NAALADL2: variants seen among roughly 807,000 people sequenced by gnomAD.
NAALADL2 encodes N-acetylated alpha-linked acidic dipeptidase like 2, also known as inactive N-acetylated-alpha-linked acidic dipeptidase-like protein 2.
NAALADL2 carries 76 observed loss-of-function variants against 87.2 expected under a neutral mutation model. The observed-to-expected ratio is 0.87, with a 90% confidence interval of 0.72 to 1.05. The LOEUF (loss-of-function observed/expected upper bound fraction) is 1.05. Among genes scored for constraint, NAALADL2 ranks in the 50% least tolerant of loss-of-function variants. The probability of loss-of-function intolerance (pLI) is 0.00; values close to 1 mark genes in which losing one functional copy is unlikely to be tolerated. For synonymous variants in NAALADL2, 354 were observed against 331.0 expected (o/e 1.07, Z -0.75); for missense variants, 1,089 against 945.8 (o/e 1.15, Z -1.99).
intron 1 of NAALADL2, among the ~76,000 whole-genome samples, chr3:174,979,531 T>TGCTGGCATCGTGATCCACCC (rs1744838966): frequency 6.6e-6 from 1 of 151,984 alleles, no homozygotes; most frequent in South Asian, 2.1e-4. Context: ...GGTCTCCATC[T>TGCTGGCATCGTGATCCACCC]GCTGGCCTCG....
At chr3:174,734,728 T>A (rs1284092499) in intron 2 of NAALADL2, among the ~76,000 whole-genome samples, 1 of 152,196 alleles carries the variant, frequency 6.6e-6, no homozygotes, top group Non-Finnish European at 1.5e-5. Flanking sequence ...AAAGAAGATT[T>A]AGATAGCACT....
At chr3:174,785,323 A>G (rs368668339) in intron 3 of NAALADL2, among the ~76,000 whole-genome samples, 3 of 152,308 alleles carry the variant, frequency 2.0e-5, no homozygotes, top group East Asian at 3.9e-4. Flanking sequence ...TCCCACTTAT[A>G]AATGAGAGCA....
At chr3:174,987,430 G>A (rs1224925937) in intron 1 of NAALADL2, among the ~76,000 whole-genome samples, 8 of 147,430 alleles carry the variant, frequency 5.4e-5, no homozygotes, top group East Asian at 2.0e-4. Flanking sequence ...TTAGCCGGGC[G>A]TAGTGGCGGG....
chr3:175,407,784 A>G (rs1170740480), intron 5 of NAALADL2, among the ~76,000 whole-genome samples: 2 of 152,178 alleles, frequency 1.3e-5, no homozygotes, highest in Non-Finnish European at 2.9e-5. Context: ...ATTTTCTGCC[A>G]ATAAGCTATA....
chr3:175,592,639 A>T (rs1455820144), intron 10 of NAALADL2, among the ~76,000 whole-genome samples: 1 of 151,272 alleles, frequency 6.6e-6, no homozygotes, highest in African/African-American at 2.4e-5. Context: ...TATAGCAAGA[A>T]CAAAAAATCA....
intron 2 of NAALADL2, among the ~76,000 whole-genome samples, chr3:174,681,052 A>G (rs1401420589): frequency 6.6e-6 from 1 of 152,128 alleles, no homozygotes; most frequent in African/African-American, 2.4e-5. Flanking sequence ...ACTAATTGCA[A>G]GACTTTGCAT....
chr3:175,684,035 T>C (rs774360862), intron 11 of NAALADL2, among the ~76,000 whole-genome samples: 111 of 152,034 alleles, frequency 7.3e-4, no homozygotes, highest in Non-Finnish European at 1.3e-3. Flanking sequence ...CATCATCTTA[T>C]AGTAGAAGCA....
chr3:174,860,802 G>A (rs2109534138), intron 1 of NAALADL2, among the ~76,000 whole-genome samples: 1 of 152,020 alleles, frequency 6.6e-6, no homozygotes, highest in African/African-American at 2.4e-5. Context: ...CCCAGATTGT[G>A]TATACATTTT....
At chr3:175,137,788 T>C (rs1194401259) in intron 2 of NAALADL2, among the ~76,000 whole-genome samples, 1 of 151,708 alleles carries the variant, frequency 6.6e-6, no homozygotes, top group Non-Finnish European at 1.5e-5. Flanking sequence ...TTGTTTTGTT[T>C]TGTTTTTGTA....
chr3:174,463,599 CTT>C (rs57673935), intron 1 of NAALADL2, among the ~76,000 whole-genome samples: 16,985 of 121,492 alleles, frequency 0.14, 1,148 homozygotes, highest in East Asian at 0.39. Context: ...TAAAGATTAT[CTT>C]TTTTTTTTTT....
intron 12 of NAALADL2, among the ~76,000 whole-genome samples, chr3:175,738,509 A>C (rs1744821893): frequency 1.3e-5 from 2 of 152,156 alleles, no homozygotes; most frequent in Admixed American, 6.5e-5. Context: ...GGCCTCCCGA[A>C]GTGCTGGAAT....
chr3:175,680,965 T>G (rs931894047), intron 11 of NAALADL2, among the ~76,000 whole-genome samples: 7 of 152,010 alleles, frequency 4.6e-5, no homozygotes, highest in Non-Finnish European at 8.8e-5. Context: ...TACAAAAAAT[T>G]AGCTGGGTGT....
At position 175,642,922 on chromosome 3, in the gene NAALADL2, A is replaced by G. The variant is rs191315366; in HGVS notation, c.1896+15536A>G. Among the ~76,000 whole-genome samples, 42 of 152,358 alleles carry G rather than the reference A, an allele frequency of 2.8e-4. 1 individual carries two copies. Among genetic ancestry groups the G allele is most frequent in the Non-Finnish European group, 1.5e-5 (1 of 68,032 alleles). On this transcript the variant is annotated intron_variant, in intron 11 of 13. Transcript: ENST00000454872. Reference sequence around the variant, plus strand: ...GTGATTCAGGTATATGTTTTGAAGCAGGAGTGACAATATGGGATATCAAAT... The same window carrying G: ...GTGATTCAGGTATATGTTTTGAAGCGGGAGTGACAATATGGGATATCAAAT...
At chr3:175,305,291 T>C (rs1757572766) in intron 4 of NAALADL2, among the ~76,000 whole-genome samples, 1 of 151,764 alleles carries the variant, frequency 6.6e-6, no homozygotes, top group Non-Finnish European at 1.5e-5. Flanking sequence ...TGTGTGTATG[T>C]GTTCTCCAAG....
chr3:174,715,404 T>C (rs1731086929), intron 2 of NAALADL2, among the ~76,000 whole-genome samples: 1 of 152,192 alleles, frequency 6.6e-6, no homozygotes, highest in South Asian at 2.1e-4. Flanking sequence ...GTATTACTTA[T>C]TCATTAATGG....
chr3:175,482,606 T>TA (rs1041690691), intron 9 of NAALADL2, among the ~76,000 whole-genome samples: 1 of 151,936 alleles, frequency 6.6e-6, no homozygotes, highest in African/African-American at 2.4e-5. Flanking sequence ...CACAGATTTC[T>TA]AAAAAATAGT....
chr3:175,753,056 A>T (rs1746805482), intron 12 of NAALADL2, among the ~76,000 whole-genome samples: 1 of 152,194 alleles, frequency 6.6e-6, no homozygotes, highest in African/African-American at 2.4e-5. Context: ...TAAATGACTT[A>T]AAATACCCAT....
rs752305884 is a variant in NAALADL2, at chr3:175,364,614, C to G, written c.1090+40289C>G. Among the ~76,000 whole-genome samples, 148 of 147,634 alleles carry G rather than the reference C, an allele frequency of 1.0e-3. 12 individuals are homozygous for G. Among genetic ancestry groups the G allele is most frequent in the Non-Finnish European group, 1.5e-3 (98 of 66,318 alleles). On this transcript the variant is annotated intron_variant, in intron 5 of 13. Coordinates refer to ENST00000454872, the MANE Select transcript of NAALADL2 (RefSeq NM_207015.3). The stretch of plus-strand genomic sequence containing the variant: ...TTTTTGGAATGCAGCAGCTGAGACC[C>G]AAGCTTGATGTTCCCAAAACACATC...
At chr3:174,924,335 G>A (rs1226874268) in intron 1 of NAALADL2, among the ~76,000 whole-genome samples, 1 of 151,408 alleles carries the variant, frequency 6.6e-6, no homozygotes, top group African/African-American at 2.4e-5. Flanking sequence ...CCCTGTGATA[G>A]TTTGCTGAGA....
Sources: gnomAD v4.1 joint callset for allele counts (sites outside exome capture counted in the v4.1 genomes callset) on GRCh38, gnomAD v4.1.1 for gene constraint, MANE v1.5 for transcripts, NCBI Gene and HGNC (gene_info 2026-07-23, HGNC 2026-07-21) for gene names.